Variants in SMOX observed in about 807,000 individuals in gnomAD.
SMOX encodes flavin containing amine oxidase.
A neutral mutation model predicts 51.0 loss-of-function variants in SMOX; 22 were observed. The ratio of observed to expected loss-of-function variants is 0.43; its 90% CI spans 0.31 to 0.62. The LOEUF (loss-of-function observed/expected upper bound fraction) is 0.62. SMOX is among the 20% of genes least tolerant of loss of function. SMOX has a pLI of 0.10. For missense variants in SMOX, 566 were observed against 777.7 expected, an observed-to-expected ratio of 0.73 and a Z score of 3.24; for synonymous variants, 282 against 307.8, an observed-to-expected ratio of 0.92 and a Z score of 0.88.
At position 4,177,430 on chromosome 20, in the gene SMOX, C is replaced by T. The variant is rs919411074; in HGVS notation, c.288C>T (p.Asn96=). 1.4e-5 allele frequency: 22 copies of T among 1,562,872 alleles called. No individual in the cohort carries two copies. The highest frequency in any genetic ancestry group is 5.7e-5 in the Admixed American group (3 of 52,232). ...GNPIYHLAEA[N]GLLEETTDGE... ...CTATCTATCATCTAGCAGAAGCCAA[C>T]GGCCTCCTGGAAGAGACAACCGATG... is the stretch of plus-strand genomic sequence containing the variant. Residue 96 remains asparagine (N), a synonymous_variant, in exon 3 of 7, where the codon AAC becomes AAT. Transcript: ENST00000305958. This position sits in a 1 kb window ranked among gnomAD's most constrained non-coding sequence, Gnocchi z 4.3.
chr20:4,182,414 C>T lies in SMOX; in HGVS notation c.935C>T (p.Ser312Leu), dbSNP rs765487941. The T allele has an allele frequency of 4.6e-5, 73 of 1,602,252 alleles. No individual in the cohort carries two copies. The highest frequency in any genetic ancestry group is 3.3e-4 in the Middle Eastern group (2 of 6,018). ...GGRWDEDEQWSVVVECEDCEL... is the reference protein window; with the variant it reads ...GGRWDEDEQWLVVVECEDCEL... Reference sequence around the variant, plus strand: ...AGGTGGGATGAGGATGAGCAGTGGTCGGTGGTGGTGGAGTGCGAGGACTGT... The same window carrying T: ...AGGTGGGATGAGGATGAGCAGTGGTTGGTGGTGGTGGAGTGCGAGGACTGT... The change falls in exon 5 of 7, where the codon TCG becomes TTG. Residue 312 changes from serine to leucine, a missense_variant. Around this residue, in one of 3 missense-constraint regions of SMOX, gnomAD observed 347 missense variants for 481.8 expected, o/e 0.72. Coordinates refer to ENST00000305958, the MANE Select transcript of SMOX (RefSeq NM_175839.3). This position sits in a 1 kb window ranked among gnomAD's most constrained non-coding sequence, Gnocchi z 8.4.
intron 1 of SMOX, among the ~76,000 whole-genome samples, chr20:4,164,549 G>A (rs1986470642): frequency 6.6e-6 from 1 of 152,194 alleles, no homozygotes; most frequent in Non-Finnish European, 1.5e-5. Context: ...ACTATAAGGT[G>A]TTCCCAAAGG....
In SMOX at chr20:4,177,741, A is replaced by G. The variant is rs1978988202; in HGVS notation, c.435+164A>G. 6.6e-6 allele frequency among the ~76,000 whole-genome samples: 1 copy of G among 152,162 alleles called. No individual in the cohort carries two copies. The highest frequency in any genetic ancestry group is 2.4e-5 in the African/African-American group (1 of 41,442). On this transcript the variant is annotated intron_variant, in intron 3 of 6. Coordinates refer to ENST00000305958, the MANE Select transcript of SMOX (RefSeq NM_175839.3). The surrounding 1 kb of genome is among the most constrained non-coding windows in gnomAD (Gnocchi z 4.3). ...AGTGGGATAGAACTGATTTTTATAT[A>G]TTGATTTGTTAGCTTGCTAAATTAT...
In SMOX at chr20:4,149,741, T is replaced by C. The variant is rs1985637760; in HGVS notation, c.-27+764T>C. ...CTTGCGCCAGGGGGACTTGGCCCGA[T>C]GAGATACGCTCGGTGCCCGGCACGT... On this transcript the variant is annotated intron_variant, in intron 1 of 6. Coordinates refer to ENST00000305958, the MANE Select transcript of SMOX (RefSeq NM_175839.3). This position sits in a 1 kb window ranked among gnomAD's most constrained non-coding sequence, Gnocchi z 6.0. 6.6e-6 allele frequency among the ~76,000 whole-genome samples: 1 copy of C among 151,800 alleles called. No individual in the cohort carries two copies. Among genetic ancestry groups the C allele is most frequent in the Non-Finnish European group, 1.5e-5 (1 of 67,890 alleles).
In SMOX at chr20:4,149,108, T is replaced by TG. The variant is rs1340042338; in HGVS notation, c.-27+134dup. On this transcript the variant is annotated intron_variant, in intron 1 of 6. Coordinates refer to ENST00000305958, the MANE Select transcript of SMOX (RefSeq NM_175839.3). The surrounding 1 kb of genome is among the most constrained non-coding windows in gnomAD (Gnocchi z 6.0). The stretch of plus-strand genomic sequence containing the variant: ...CCGAGGGCTCGGCCGGCCCGGGGCT[T>TG]GGGCGGCCAGCGCGGCGCTCGGGCG... 7 of 148,496 alleles carry TG rather than the reference T, an allele frequency of 4.7e-5. No individual in the cohort carries two copies. Among genetic ancestry groups the TG allele is most frequent in the Admixed American group, 1.3e-4 (2 of 15,028 alleles). The allele number at this position is 148,496 out of a possible 1,614,324, so 9.2% of individuals were successfully genotyped here.
intron 1 of SMOX, among the ~76,000 whole-genome samples, chr20:4,155,400 C>T (rs1439894353): frequency 1.4e-5 from 2 of 145,676 alleles, no homozygotes; most frequent in East Asian, 2.1e-4. Flanking sequence ...GCCACCTCTG[C>T]GGCGTACGTG....
In SMOX at chr20:4,181,101, A is replaced by G. The variant is rs1049443102; in HGVS notation, c.436-702A>G. On this transcript the variant is annotated intron_variant, in intron 3 of 6. Transcript: ENST00000305958. This position sits in a 1 kb window ranked among gnomAD's most constrained non-coding sequence, Gnocchi z 5.6. Reference sequence around the variant, plus strand: ...CCTTTTCAAGTGACTGATCGTCGTTATCTGTTGATGAGGTGTGGGCTGGAG... The same window carrying G: ...CCTTTTCAAGTGACTGATCGTCGTTGTCTGTTGATGAGGTGTGGGCTGGAG... 6.6e-6 allele frequency among the ~76,000 whole-genome samples: 1 copy of G among 152,086 alleles called. No individual in the cohort carries two copies. Among genetic ancestry groups the G allele is most frequent in the East Asian group, 1.9e-4 (1 of 5,194 alleles).
At chr20:4,171,020 G>A (rs915919005) in intron 1 of SMOX, among the ~76,000 whole-genome samples, 1 of 152,164 alleles carries the variant, frequency 6.6e-6, no homozygotes, top group Non-Finnish European at 1.5e-5. Flanking sequence ...CCCCCACTTT[G>A]CCATGGAAGC....
At position 4,161,690 on chromosome 20, in the gene SMOX, A is replaced by G. The variant is rs532414823; in HGVS notation, c.-27+12713A>G. ...GAGGCCTTCCCTGACGCCCCTGTGC[A>G]AGCAGTTAGTTTCCTGTCTCCCCGC... On this transcript the variant is annotated intron_variant, in intron 1 of 6. Transcript: ENST00000305958. 2.0e-5 allele frequency among the ~76,000 whole-genome samples: 3 copies of G among 152,272 alleles called. No homozygotes were observed. The South Asian group carries it at 6.2e-4, about 32-fold the overall frequency.
At position 4,177,562 on chromosome 20, in the gene SMOX, C is replaced by T. The variant is rs140869535; in HGVS notation, c.420C>T (p.Ser140=). 2.0e-5 allele frequency: 32 copies of T among 1,589,630 alleles called. No homozygotes were observed. In the African/African-American group the frequency reaches 2.1e-4, roughly 11 times the overall value. The stretch of plus-strand genomic sequence containing the variant: ...CCAAGGACGTGGTTGAGGAATTCAG[C>T]GATTTATACAACGAGGTAAGGTGTG... ...RIPKDVVEEF[S]DLYNEVYNLT... is the part of the protein sequence containing the mutation. The change falls in exon 3 of 7, where the codon AGC becomes AGT. Residue 140 remains serine, a synonymous_variant. Coordinates refer to ENST00000305958, the MANE Select transcript of SMOX (RefSeq NM_175839.3). This position sits in a 1 kb window ranked among gnomAD's most constrained non-coding sequence, Gnocchi z 4.3.
At chr20:4,160,699 T>C (rs1600801296) in intron 1 of SMOX, among the ~76,000 whole-genome samples, 1 of 152,220 alleles carries the variant, frequency 6.6e-6, no homozygotes, top group African/African-American at 2.4e-5. Context: ...CTTGGCTCTA[T>C]GATAAATTAC....
At chr20:4,157,831 C>T (rs1427679674) in intron 1 of SMOX, among the ~76,000 whole-genome samples, 2 of 152,118 alleles carry the variant, frequency 1.3e-5, no homozygotes, top group Non-Finnish European at 2.9e-5. Context: ...CTCTGCCACA[C>T]CTCCTTTCCT....
At position 4,153,882 on chromosome 20, in the gene SMOX, T is replaced by C. The variant is rs1003620830; in HGVS notation, c.-27+4905T>C. On this transcript the variant is annotated intron_variant, in intron 1 of 6. Transcript: ENST00000305958. This position sits in a 1 kb window ranked among gnomAD's most constrained non-coding sequence, Gnocchi z 4.4. ...GAGCTGAGGTGGACTTCCTGACAAGTAGACACTGGGCCTTGTTAGCTGTGG... is the reference window on the plus strand; with the variant it reads ...GAGCTGAGGTGGACTTCCTGACAAGCAGACACTGGGCCTTGTTAGCTGTGG... Among the ~76,000 whole-genome samples, 1 of 152,168 alleles carries C rather than the reference T, an allele frequency of 6.6e-6. No individual in the cohort carries two copies. The highest frequency in any genetic ancestry group is 2.4e-5 in the African/African-American group (1 of 41,432).
At chr20:4,154,382 C>CTTT (rs1272814018) in intron 1 of SMOX, among the ~76,000 whole-genome samples, 21 of 109,802 alleles carry the variant, frequency 1.9e-4, no homozygotes, top group African/African-American at 8.0e-4. Context: ...TTCTTTCTTT[C>CTTT]TTTCTTTTTT....
In SMOX at chr20:4,148,832, A is replaced by T. The variant is rs1985569265; in HGVS notation, c.-172A>T. The T allele has an allele frequency of 6.6e-6, 1 of 152,250 alleles. No homozygotes were observed. Among genetic ancestry groups the T allele is most frequent in the South Asian group, 2.1e-4 (1 of 4,830 alleles). The allele number at this position is 152,250 out of a possible 1,614,324, so 9.4% of individuals were successfully genotyped here. A position where few individuals can be genotyped will look rare whatever the true frequency, so the allele number is the denominator to read the frequency against. ...CGCGAGGCGGAGCGGGGCCCCACACAGGCCGCGGCGGCTGGCTCGGGCCCC... is the reference window on the plus strand; with the variant it reads ...CGCGAGGCGGAGCGGGGCCCCACACTGGCCGCGGCGGCTGGCTCGGGCCCC... On this transcript the variant is annotated 5_prime_UTR_variant, in exon 1 of 7. Coordinates refer to ENST00000305958, the MANE Select transcript of SMOX (RefSeq NM_175839.3).
At chr20:4,174,958 C>A in intron 1 of SMOX, 72 bp from the exon 2 acceptor site, 1 of 1,456,268 alleles carries the variant, frequency 6.9e-7, no homozygotes, top group Non-Finnish European at 9.5e-7. Flanking sequence ...TGATGAAAGC[C>A]CTGAGTGTCC....
Position 4,183,696 on chromosome 20 carries a change from A to G in SMOX, c.1530+42A>G, listed in dbSNP as rs1272964983. The G allele has an allele frequency of 6.5e-7, 1 of 1,532,176 alleles. No individual in the cohort carries two copies. Among genetic ancestry groups the G allele is most frequent in the Non-Finnish European group, 8.7e-7 (1 of 1,144,724 alleles). 94.9% of individuals were successfully genotyped at this position (1,532,176 alleles called of 1,614,324 possible). On this transcript the variant is annotated intron_variant, in intron 6 of 6. Coordinates refer to ENST00000305958, the MANE Select transcript of SMOX (RefSeq NM_175839.3). This position sits in a 1 kb window ranked among gnomAD's most constrained non-coding sequence, Gnocchi z 4.3. ...GGGTGAGGAGGGGAGTTGTGGGTGT[A>G]TTTTGTATGTGTGTCCGGTCCAGGG...
intron 1 of SMOX, among the ~76,000 whole-genome samples, chr20:4,159,589 A>C (rs979050261): frequency 3.3e-5 from 5 of 152,170 alleles, no homozygotes; most frequent in Admixed American, 3.3e-4. Flanking sequence ...TTGGCACTGC[A>C]CTCTGTATCT....
rs973652380 is a variant in SMOX at position 4,153,864 on chromosome 20, G to T, written c.-27+4887G>T. Among the ~76,000 whole-genome samples, 1 of 152,194 alleles carries T rather than the reference G, an allele frequency of 6.6e-6. No individual in the cohort carries two copies. On this transcript the variant is annotated intron_variant, in intron 1 of 6. Coordinates refer to ENST00000305958, the MANE Select transcript of SMOX (RefSeq NM_175839.3). This position sits in a 1 kb window ranked among gnomAD's most constrained non-coding sequence, Gnocchi z 4.4. ...CCTGAGGCGGGCAGGCTAGAGCTGA[G>T]GTGGACTTCCTGACAAGTAGACACT...
Sources: allele counts gnomAD v4.1 joint callset (sites outside exome capture counted in the v4.1 genomes callset), GRCh38; gene constraint gnomAD v4.1.1; regional missense constraint gnomAD v4.1.1; non-coding constraint Gnocchi (gnomAD v3.1); transcripts MANE v1.5; gene names NCBI Gene and HGNC (gene_info 2026-07-23, HGNC 2026-07-21).